The following POLR1D variants were observed in gnomAD, a reference collection of about 807,000 sequenced individuals.
The protein encoded by POLR1D is RNA polymerase I and III subunit D.
A neutral mutation model predicts 10.8 loss-of-function variants in POLR1D; 8 were observed. The observed-to-expected ratio is 0.74, with a 90% CI of 0.43 to 1.33. The LOEUF (loss-of-function observed/expected upper bound fraction) is 1.33. POLR1D is among the 40% of genes most tolerant of loss of function. POLR1D has a pLI of 0.01. For synonymous variants in POLR1D, 54 were observed against 57.2 expected (o/e 0.94, Z 0.25); for missense variants, 152 against 161.7 (o/e 0.94, Z 0.32).
chr13:27,650,067 T>C, intron 2 of POLR1D: 1 of 398,402 alleles, frequency 2.5e-6, no homozygotes, highest in Non-Finnish European at 4.4e-6. Context: ...AGATACAAAC[T>C]AAAATCAGCC....
At chr13:27,651,696 TAAAC>T (rs1201567706) in intron 2 of POLR1D, 2 of 152,190 alleles carry the variant, frequency 1.3e-5, no homozygotes, top group African/African-American at 4.8e-5. Flanking sequence ...GTAACCCACA[TAAAC>T]AAAAGCTCTT....
intron 1 of POLR1D, among the ~76,000 whole-genome samples, chr13:27,640,947 A>G (rs1326137389): frequency 6.6e-6 from 1 of 152,206 alleles, no homozygotes; most frequent in Admixed American, 6.5e-5. Context: ...CTAATATTAC[A>G]TTGTACTAGG....
At chr13:27,639,768 G>T (rs368162377) in intron 1 of POLR1D, among the ~76,000 whole-genome samples, 1 of 152,176 alleles carries the variant, frequency 6.6e-6, no homozygotes, top group East Asian at 1.9e-4. Context: ...ATGGATAGTT[G>T]CAGATTTGAG....
In POLR1D at chr13:27,623,037, G is replaced by A. The variant is rs201796232; in HGVS notation, c.189G>A (p.Pro63=). Residue 63 remains proline, a synonymous_variant, in exon 2 of 2, where the codon CCG becomes CCA. Transcript: ENST00000302979. The stretch of plus-strand genomic sequence containing the variant: ...TACGTTACATGATCATGAAGAACCC[G>A]GAAGTGGAATTTTGTGGTTACACTA... ...NSLRYMIMKN[P]EVEFCGYTTT... 61 of 1,613,890 alleles carry A rather than the reference G, an allele frequency of 3.8e-5. 1 individual carries two copies. Among genetic ancestry groups the A allele is most frequent in the South Asian group, 2.7e-4 (25 of 91,082 alleles).
At chr13:27,651,826 T>C (rs969584238) in intron 2 of POLR1D, among the ~76,000 whole-genome samples, 2 of 152,208 alleles carry the variant, frequency 1.3e-5, no homozygotes, top group Non-Finnish European at 2.9e-5. Context: ...CAGGAATTAT[T>C]GTCTTATAGA....
At chr13:27,643,703 A>G (rs995353873) in intron 1 of POLR1D, among the ~76,000 whole-genome samples, 42 of 152,196 alleles carry the variant, frequency 2.8e-4, no homozygotes, top group African/African-American at 8.0e-4. Flanking sequence ...CATTATGGGA[A>G]GAAATTTAGA....
At chr13:27,667,379 ATAAT>A (rs1029955815) in exon 3 of POLR1D, 3 of 152,214 alleles carry the variant, frequency 2.0e-5, no homozygotes, top group African/African-American at 4.8e-5. Flanking sequence ...AAAAATTGTT[ATAAT>A]TAAGTAAAAA....
intron 1 of POLR1D, among the ~76,000 whole-genome samples, chr13:27,647,796 T>C (rs1288992587): frequency 1.3e-5 from 2 of 152,222 alleles, no homozygotes; most frequent in Non-Finnish European, 2.9e-5. Flanking sequence ...GTACATATAC[T>C]TTTCCATACT....
intron 1 of POLR1D, chr13:27,648,242 C>T (rs890975159): frequency 1.9e-5 from 12 of 620,730 alleles, no homozygotes; most frequent in Middle Eastern, 2.6e-4. Context: ...AAATTGTCAA[C>T]CATTTAAAAA....
downstream of POLR1D, among the ~76,000 whole-genome samples, chr13:27,624,807 G>C (rs1435322833): frequency 6.6e-6 from 1 of 152,114 alleles, no homozygotes; most frequent in African/African-American, 2.4e-5. Context: ...AGGATATCTT[G>C]AACCTAGGAG....
chr13:27,665,965 GGGCCAGCCAGCCCTGC>G (rs779185286), exon 3 of POLR1D: 2 of 1,613,460 alleles, frequency 1.2e-6, no homozygotes, highest in Admixed American at 3.3e-5. Context: ...GCTGGAACCA[GGGCCAGCCAGCCCTGC>G]GGGCCTCCGT....
chr13:27,646,787 GTTTTC>G (rs1956224661), intron 1 of POLR1D, among the ~76,000 whole-genome samples: 1 of 152,126 alleles, frequency 6.6e-6, no homozygotes, highest in Non-Finnish European at 1.5e-5. Context: ...AGTTGAAATT[GTTTTC>G]TTTGGTGGGT....
downstream of POLR1D, among the ~76,000 whole-genome samples, chr13:27,627,315 A>C (rs1956022999): frequency 6.6e-6 from 1 of 150,694 alleles, no homozygotes; most frequent in African/African-American, 2.4e-5. Context: ...AATTCTTCTC[A>C]AACTTGGATT....
intron 1 of POLR1D, chr13:27,622,309 T>G (rs1452834161): frequency 3.8e-6 from 2 of 524,584 alleles, no homozygotes; most frequent in East Asian, 3.3e-5. Context: ...ACGGTACTCG[T>G]GCCTCTGTCC....
Position 27,622,959 on chromosome 13 carries a change from A to ACATTTGTATTG in POLR1D, c.113_114insTTTGTATTGCA (p.Cys39LeufsTer6). 6.2e-7 allele frequency: 1 copy of ACATTTGTATTG among 1,613,754 alleles called. No individual in the cohort carries two copies. Among genetic ancestry groups the ACATTTGTATTG allele is most frequent in the South Asian group, 1.1e-5 (1 of 91,076 alleles). On this transcript the variant is annotated frameshift_variant, in exon 2 of 2. Coordinates refer to ENST00000302979, the MANE Select transcript of POLR1D (RefSeq NM_015972.4). LOFTEE classifies it high-confidence loss of function. Reference sequence around the variant, plus strand: ...TGGTCCAGGCAGCTGGAACAGATAGACACTGTGTGACATTTGTATTGCACG... The same window carrying ACATTTGTATTG: ...TGGTCCAGGCAGCTGGAACAGATAGACATTTGTATTGCACTGTGTGACATTTGTATTGCACG...
At chr13:27,643,064 C>T (rs1292787447) in intron 1 of POLR1D, among the ~76,000 whole-genome samples, 2 of 152,154 alleles carry the variant, frequency 1.3e-5, no homozygotes, top group Non-Finnish European at 2.9e-5. Context: ...AATATTGGAG[C>T]TCCCTCCTCA....
intron 2 of POLR1D, among the ~76,000 whole-genome samples, chr13:27,656,838 G>T (rs561621783): frequency 2.6e-5 from 4 of 152,132 alleles, no homozygotes; most frequent in Admixed American, 1.3e-4. Flanking sequence ...AAGGGAAGCA[G>T]TCCAAATGTC....
At chr13:27,659,927 C>T (rs200932690) in intron 2 of POLR1D, among the ~76,000 whole-genome samples, 34 of 107,642 alleles carry the variant, frequency 3.2e-4, no homozygotes, top group African/African-American at 1.3e-3. Flanking sequence ...TATATATATA[C>T]ACACACATAC....
At chr13:27,656,050 T>C (rs1019672720) in intron 2 of POLR1D, among the ~76,000 whole-genome samples, 3 of 149,678 alleles carry the variant, frequency 2.0e-5, no homozygotes, top group African/African-American at 7.3e-5. Context: ...ATGAATCTTA[T>C]AGGAGAAAAT....
Sources: allele counts gnomAD v4.1 joint callset (sites outside exome capture counted in the v4.1 genomes callset), GRCh38; gene constraint gnomAD v4.1.1; transcripts MANE v1.5; gene names NCBI Gene and HGNC (gene_info 2026-07-23, HGNC 2026-07-21).